EIF4ENIF1: variants seen among roughly 807,000 people sequenced by gnomAD.
The protein encoded by EIF4ENIF1 is eukaryotic translation initiation factor 4E nuclear import factor 1, also known as eukaryotic translation initiation factor 4E transporter.
In EIF4ENIF1, 23 loss-of-function variants were observed where a neutral mutation model predicts 110.5. The ratio of observed to expected loss-of-function variants is 0.21; its 90% confidence interval spans 0.15 to 0.29. The LOEUF (loss-of-function observed/expected upper bound fraction) is 0.29. Ranked by LOEUF, EIF4ENIF1 falls within the 10% of genes least tolerant of loss-of-function variation. The pLI is 1.00. For synonymous variants in EIF4ENIF1, 440 were observed against 437.0 expected, an observed-to-expected ratio of 1.01 and a Z score of -0.09; for missense variants, 1,031 against 1,221.1, an observed-to-expected ratio of 0.84 and a Z score of 2.32.
downstream of EIF4ENIF1, among the ~76,000 whole-genome samples, chr22:31,437,981 G>C (rs1349710114): frequency 6.6e-6 from 1 of 152,210 alleles, no homozygotes; most frequent in Non-Finnish European, 1.5e-5. Context: ...CATAAAGCCA[G>C]GTTTTCTTGA....
intron 7 of EIF4ENIF1, among the ~76,000 whole-genome samples, chr22:31,456,205 CTTTTTTA>C (rs1336687268): frequency 2.0e-5 from 3 of 150,688 alleles, no homozygotes; most frequent in Non-Finnish European, 3.0e-5. Context: ...ACTTACTTTC[CTTTTTTA>C]TTTTTTATTA....
At chr22:31,485,243 C>G (rs575771908) in intron 2 of EIF4ENIF1, among the ~76,000 whole-genome samples, 8 of 152,232 alleles carry the variant, frequency 5.3e-5, no homozygotes, top group African/African-American at 1.9e-4. Flanking sequence ...TGTCATTAAG[C>G]TAAAAAATGC....
At chr22:31,451,454 TC>T in intron 10 of EIF4ENIF1, among the ~76,000 whole-genome samples, 1 of 151,600 alleles carries the variant, frequency 6.6e-6, no homozygotes, top group East Asian at 1.9e-4. Context: ...TTTTTTTTTT[TC>T]AGTAGAGACG....
chr22:31,488,785 T>A, intron 1 of EIF4ENIF1, 40 bp from the exon 2 acceptor site: 1 of 1,554,852 alleles, frequency 6.4e-7, no homozygotes, highest in Non-Finnish European at 8.7e-7. Flanking sequence ...CCGAGAACAG[T>A]AAGTTTTCAG....
At position 31,468,157 on chromosome 22, in the gene EIF4ENIF1, G is replaced by A; in HGVS notation, c.298+18C>T. On this transcript the variant is annotated intron_variant, in intron 4 of 18. Coordinates refer to ENST00000330125, the MANE Select transcript of EIF4ENIF1 (RefSeq NM_019843.4). ...CCCCAAAATCACTAACCCCACTTCTGAGTGACTGTGTGCTCACCTACTATC... is the reference window on the plus strand; with the variant it reads ...CCCCAAAATCACTAACCCCACTTCTAAGTGACTGTGTGCTCACCTACTATC... The A allele has an allele frequency of 6.2e-7, 1 of 1,611,272 alleles. No homozygotes were observed. Among genetic ancestry groups the A allele is most frequent in the Non-Finnish European group, 8.5e-7 (1 of 1,178,394 alleles).
At chr22:31,441,525 G>A (rs556788748) in intron 17 of EIF4ENIF1, among the ~76,000 whole-genome samples, 30 of 134,510 alleles carry the variant, frequency 2.2e-4, no homozygotes, top group African/African-American at 8.0e-4. Flanking sequence ...GGCAGACAGA[G>A]TGAGACTTCT....
chr22:31,448,425 T>A (rs1047649001), intron 12 of EIF4ENIF1, among the ~76,000 whole-genome samples, 193 bp from the exon 13 acceptor site: 1 of 152,202 alleles, frequency 6.6e-6, no homozygotes, highest in East Asian at 1.9e-4. Flanking sequence ...ACTGTCCAAA[T>A]TGCTTCTCAA....
At chr22:31,456,542 T>C (rs896920024) in intron 7 of EIF4ENIF1, among the ~76,000 whole-genome samples, 1 of 151,724 alleles carries the variant, frequency 6.6e-6, no homozygotes, top group Non-Finnish European at 1.5e-5. Context: ...TTTAAGACAG[T>C]CTCGCTCTGT....
In EIF4ENIF1 at chr22:31,468,007, G is replaced by A. The variant is rs533422900; in HGVS notation, c.298+168C>T. 8.5e-5 allele frequency among the ~76,000 whole-genome samples: 13 copies of A among 152,240 alleles called. No individual in the cohort carries two copies. In the East Asian group the frequency reaches 1.9e-3, roughly 23 times the overall value. On this transcript the variant is annotated intron_variant, in intron 4 of 18. Coordinates refer to ENST00000330125, the MANE Select transcript of EIF4ENIF1 (RefSeq NM_019843.4). ...CTTCTTATATAGCTGTGACAAAGTA[G>A]ACTATGACTTTACCCTGCTGATTAG...
chr22:31,459,148 A>AC (rs2050916686), intron 6 of EIF4ENIF1, among the ~76,000 whole-genome samples: 1 of 151,942 alleles, frequency 6.6e-6, no homozygotes, highest in Non-Finnish European at 1.5e-5. Flanking sequence ...GCCTGGACTT[A>AC]AACTGCTGAC....
At chr22:31,478,426 G>A (rs2051672518) in intron 2 of EIF4ENIF1, among the ~76,000 whole-genome samples, 1 of 147,192 alleles carries the variant, frequency 6.8e-6, no homozygotes, top group Non-Finnish European at 1.5e-5. Context: ...TGAGGCACAA[G>A]AACTGCCTGA....
intron 2 of EIF4ENIF1, among the ~76,000 whole-genome samples, chr22:31,486,080 G>C (rs2052010818): frequency 6.6e-6 from 1 of 151,958 alleles, no homozygotes; most frequent in Non-Finnish European, 1.5e-5. Flanking sequence ...GACCAGCCTG[G>C]CCAACATGGC....
At chr22:31,477,266 C>T (rs1341989476) in intron 2 of EIF4ENIF1, among the ~76,000 whole-genome samples, 6 of 146,486 alleles carry the variant, frequency 4.1e-5, no homozygotes, top group African/African-American at 1.3e-4. Context: ...CTTGAGAGGC[C>T]GAAGCAGGAG....
chr22:31,484,345 C>T (rs766778373), intron 2 of EIF4ENIF1, among the ~76,000 whole-genome samples: 8 of 151,604 alleles, frequency 5.3e-5, no homozygotes, highest in Non-Finnish European at 1.2e-4. Context: ...ATTTATACTT[C>T]TTCTACTCAT....
At chr22:31,465,008 G>A (rs2051137306) in intron 4 of EIF4ENIF1, among the ~76,000 whole-genome samples, 1 of 151,764 alleles carries the variant, frequency 6.6e-6, no homozygotes, top group Non-Finnish European at 1.5e-5. Context: ...TTCTGATAAA[G>A]GACTTAAATT....
intron 2 of EIF4ENIF1, among the ~76,000 whole-genome samples, chr22:31,477,390 A>AAAAAAG (rs1381135932): frequency 1.4e-4 from 19 of 133,652 alleles, no homozygotes; most frequent in South Asian, 4.7e-4. Flanking sequence ...AAAACAAAAA[A>AAAAAAG]AGAGAATTTG....
At chr22:31,471,442 G>C (rs532126026) in intron 3 of EIF4ENIF1, among the ~76,000 whole-genome samples, 1 of 152,048 alleles carries the variant, frequency 6.6e-6, no homozygotes, top group Non-Finnish European at 1.5e-5. Flanking sequence ...AGCCTCCCGA[G>C]TAGCTGGGAC....
chr22:31,463,282 A>G, intron 5 of EIF4ENIF1, 149 bp from the exon 6 acceptor site: 1 of 731,254 alleles, frequency 1.4e-6, no homozygotes, highest in Non-Finnish European at 2.2e-6. Flanking sequence ...TTCCTCCCTG[A>G]CTGGTTTAAG....
At chr22:31,477,917 C>T (rs1196357007) in intron 2 of EIF4ENIF1, among the ~76,000 whole-genome samples, 1 of 152,146 alleles carries the variant, frequency 6.6e-6, no homozygotes, top group Non-Finnish European at 1.5e-5. Flanking sequence ...AGTGTAAGAC[C>T]TCCCATTTGA....
Sources: allele counts gnomAD v4.1 joint callset (sites outside exome capture counted in the v4.1 genomes callset), GRCh38; gene constraint gnomAD v4.1.1; transcripts MANE v1.5; gene names NCBI Gene and HGNC (gene_info 2026-07-23, HGNC 2026-07-21).